MALRD1: variants seen among roughly 807,000 people sequenced by gnomAD.
MALRD1 encodes the protein MAM and LDL-receptor class A domain-containing protein 1.
Under a neutral mutation model 242.1 loss-of-function variants are expected in MALRD1, and 247 were observed. The ratio of observed to expected loss-of-function variants is 1.02; its 90% CI spans 0.92 to 1.13. MALRD1 has a LOEUF of 1.13. Ranked by LOEUF, MALRD1 falls within the 50% of genes most tolerant of loss-of-function variation. The probability of loss-of-function intolerance (pLI) is 0.00; values close to 1 mark genes in which losing one functional copy is unlikely to be tolerated. For missense variants in MALRD1, 2,989 were observed against 2,533.1 expected (o/e 1.18, Z -3.86); for synonymous variants, 995 against 866.6 (o/e 1.15, Z -2.60).
intron 26 of MALRD1, among the ~76,000 whole-genome samples, chr10:19,374,192 G>T (rs776982164): frequency 6.6e-6 from 1 of 152,042 alleles, no homozygotes; most frequent in Admixed American, 6.6e-5. Context: ...TAGTAATTTA[G>T]ACTGCATGCA....
At chr10:19,170,373 C>A (rs1228882716) in intron 13 of MALRD1, among the ~76,000 whole-genome samples, 1 of 152,114 alleles carries the variant, frequency 6.6e-6, no homozygotes, top group African/African-American at 2.4e-5. Flanking sequence ...TTTCAAGTTG[C>A]TCTACTTTCT....
At chr10:19,077,869 A>T (rs1019308543) in intron 2 of MALRD1, among the ~76,000 whole-genome samples, 2 of 151,952 alleles carry the variant, frequency 1.3e-5, no homozygotes, top group African/African-American at 4.8e-5. Context: ...CTGAGAGATG[A>T]TGACAATGAT....
chr10:19,383,049 TG>T (rs1421613939), intron 26 of MALRD1, among the ~76,000 whole-genome samples: 1 of 152,230 alleles, frequency 6.6e-6, no homozygotes, highest in African/African-American at 2.4e-5. Context: ...AAGAATAGTA[TG>T]AACAACTCTA....
intron 34 of MALRD1, among the ~76,000 whole-genome samples, chr10:19,602,993 T>G (rs1171253246): frequency 6.6e-6 from 1 of 152,238 alleles, no homozygotes; most frequent in Non-Finnish European, 1.5e-5. Flanking sequence ...ATAAATGCCT[T>G]CTTTTGAGAA....
chr10:19,616,599 A>G (rs1327963073), intron 36 of MALRD1, among the ~76,000 whole-genome samples: 1 of 152,032 alleles, frequency 6.6e-6, no homozygotes, highest in Non-Finnish European at 1.5e-5. Context: ...TTAGCAGACC[A>G]ATGGATATAT....
At chr10:19,107,244 T>A (rs943191889) in intron 5 of MALRD1, among the ~76,000 whole-genome samples, 2 of 152,016 alleles carry the variant, frequency 1.3e-5, no homozygotes, top group African/African-American at 4.8e-5. Flanking sequence ...CCCTTGCTAT[T>A]ATTGTATTGC....
intron 36 of MALRD1, among the ~76,000 whole-genome samples, chr10:19,642,790 T>C (rs1457877654): frequency 5.9e-5 from 9 of 152,042 alleles, no homozygotes; most frequent in Non-Finnish European, 1.5e-5. Context: ...GAGTCAAAGA[T>C]TATTGCATCT....
chr10:19,288,636 G>A (rs1179651845), intron 21 of MALRD1, among the ~76,000 whole-genome samples: 2 of 151,958 alleles, frequency 1.3e-5, no homozygotes. Flanking sequence ...TCCGTAACTA[G>A]TATCTTTCCC....
At chr10:19,694,675 A>G (rs1338769032) in intron 38 of MALRD1, among the ~76,000 whole-genome samples, 2 of 152,204 alleles carry the variant, frequency 1.3e-5, no homozygotes, top group Non-Finnish European at 2.9e-5. Flanking sequence ...CAATTCCTGA[A>G]GGATCTAGAA....
At chr10:19,293,284 A>T (rs1841535710) in intron 21 of MALRD1, among the ~76,000 whole-genome samples, 1 of 152,086 alleles carries the variant, frequency 6.6e-6, no homozygotes, top group African/African-American at 2.4e-5. Flanking sequence ...ATATACATAT[A>T]TTTTTTTGCC....
At chr10:19,425,737 C>T (rs933125473) in intron 28 of MALRD1, among the ~76,000 whole-genome samples, 1 of 152,132 alleles carries the variant, frequency 6.6e-6, no homozygotes, top group Admixed American at 6.5e-5. Flanking sequence ...GACTCCATTT[C>T]TTGATAGAAC....
chr10:19,454,052 C>A (rs1835483534), intron 29 of MALRD1, among the ~76,000 whole-genome samples: 1 of 151,902 alleles, frequency 6.6e-6, no homozygotes, highest in Non-Finnish European at 1.5e-5. Flanking sequence ...AGAGTCAGAC[C>A]CTGTCTCAAA....
chr10:19,362,439 A>T (rs958265773), intron 26 of MALRD1, among the ~76,000 whole-genome samples: 4 of 152,150 alleles, frequency 2.6e-5, no homozygotes, highest in African/African-American at 9.7e-5. Context: ...AAGCAAAGAC[A>T]AAAAGTAATT....
chr10:19,607,049 G>T (rs1838673716), intron 34 of MALRD1, among the ~76,000 whole-genome samples: 1 of 152,122 alleles, frequency 6.6e-6, no homozygotes, highest in South Asian at 2.1e-4. Context: ...ACAGGCATCA[G>T]TGCTCTTGAT....
chr10:19,071,266 C>G (rs1297659756), intron 2 of MALRD1, among the ~76,000 whole-genome samples: 2 of 151,702 alleles, frequency 1.3e-5, no homozygotes, highest in East Asian at 3.9e-4. Flanking sequence ...TGGCCAGAGA[C>G]TTGGACAGAG....
chr10:19,616,163 A>G (rs1038844426), intron 36 of MALRD1, among the ~76,000 whole-genome samples: 1 of 152,004 alleles, frequency 6.6e-6, no homozygotes, highest in Non-Finnish European at 1.5e-5. Context: ...TGTGTAATAT[A>G]TAATTTTAAT....
At chr10:19,469,198 T>G (rs1429992960) in intron 29 of MALRD1, among the ~76,000 whole-genome samples, 1 of 152,116 alleles carries the variant, frequency 6.6e-6, no homozygotes, top group Non-Finnish European at 1.5e-5. Context: ...ATATACGCTT[T>G]CAGCTTAATA....
At chr10:19,467,406 A>G (rs1293793316) in intron 29 of MALRD1, among the ~76,000 whole-genome samples, 1 of 150,178 alleles carries the variant, frequency 6.7e-6, no homozygotes, top group Non-Finnish European at 1.5e-5. Flanking sequence ...AAAAAAAAAA[A>G]AAAAAAGAAA....
chr10:19,354,692 A>G (rs570045319), intron 26 of MALRD1, among the ~76,000 whole-genome samples: 3 of 152,166 alleles, frequency 2.0e-5, no homozygotes, highest in South Asian at 2.1e-4. Context: ...TGCAAATAGG[A>G]TGAATGTAAT....
Sources: gnomAD v4.1 joint callset for allele counts (sites outside exome capture counted in the v4.1 genomes callset) on GRCh38, gnomAD v4.1.1 for gene constraint, MANE v1.5 for transcripts, NCBI Gene and HGNC (gene_info 2026-07-23, HGNC 2026-07-21) for gene names.